AKNA: variants seen among roughly 807,000 people sequenced by gnomAD.
AKNA encodes AT-hook transcription factor.
AKNA carries 67 observed loss-of-function variants against 138.8 expected under a neutral mutation model. The observed-to-expected ratio is 0.48, with a 90% CI of 0.40 to 0.59. AKNA has a LOEUF of 0.59. AKNA is among the 20% of genes least tolerant of loss of function. The probability of loss-of-function intolerance (pLI) is 0.00; values close to 1 mark genes in which losing one functional copy is unlikely to be tolerated. For missense variants in AKNA, 1,813 were observed against 1,880.4 expected, an observed-to-expected ratio of 0.96 and a Z score of 0.66; for synonymous variants, 737 against 754.4, an observed-to-expected ratio of 0.98 and a Z score of 0.38.
intron 21 of AKNA, 114 bp downstream of exon 21, chr9:114,341,419 G>C: frequency 2.3e-6 from 3 of 1,312,006 alleles, no homozygotes; most frequent in Non-Finnish European, 3.2e-6. Flanking sequence ...ATCCACGCAG[G>C]GATAAAACAC....
chr9:114,387,024 T>C lies in AKNA; in HGVS notation c.-114+836A>G, dbSNP rs1362054132. Among the ~76,000 whole-genome samples, 12 of 151,998 alleles carry C rather than the reference T, an allele frequency of 7.9e-5. No homozygotes were observed. In the South Asian group the frequency reaches 2.5e-3, roughly 32 times the overall value. ...TGAGGCACAGAGACATGGCCTGCTC[T>C]CACAAGACCTCACAGCCAGGAAGCG... On this transcript the variant is annotated intron_variant, in intron 1 of 21. Transcript: ENST00000374088.
downstream of AKNA, chr9:114,331,545 A>C: frequency 6.3e-7 from 1 of 1,591,952 alleles, no homozygotes; most frequent in Non-Finnish European, 8.6e-7. Context: ...GTTCTCACCC[A>C]GAGGCTCTTT....
chr9:114,367,960 GT>G (rs1832490152), intron 5 of AKNA, among the ~76,000 whole-genome samples: 1 of 152,252 alleles, frequency 6.6e-6, no homozygotes, highest in Admixed American at 6.5e-5. Context: ...AGTCAACAGC[GT>G]GGGCTCTCAC....
chr9:114,355,391 C>T (rs992749257), intron 14 of AKNA, among the ~76,000 whole-genome samples: 1 of 151,842 alleles, frequency 6.6e-6, no homozygotes, highest in African/African-American at 2.4e-5. Flanking sequence ...TGGCCAGGCT[C>T]GTCTCGAACT....
upstream of AKNA, among the ~76,000 whole-genome samples, chr9:114,392,580 T>A (rs533064027): frequency 6.6e-6 from 1 of 152,250 alleles, no homozygotes; most frequent in Non-Finnish European, 1.5e-5. Flanking sequence ...TGCCAAAAGT[T>A]CTTGGCCCCA....
intron 2 of AKNA, among the ~76,000 whole-genome samples, chr9:114,377,846 C>T (rs1833358543): frequency 6.6e-6 from 1 of 152,216 alleles, no homozygotes. Flanking sequence ...CCATCTCTCT[C>T]CCTCTAACCC....
At chr9:114,385,679 T>A (rs1833977605) in intron 1 of AKNA, among the ~76,000 whole-genome samples, 1 of 152,190 alleles carries the variant, frequency 6.6e-6, no homozygotes. Flanking sequence ...AGTGACTGAC[T>A]AGAGTTTCGC....
intron 2 of AKNA, among the ~76,000 whole-genome samples, chr9:114,380,238 C>G (rs1165274001): frequency 1.3e-5 from 2 of 152,010 alleles, no homozygotes; most frequent in African/African-American, 2.4e-5. Flanking sequence ...ATCAAGTGTG[C>G]AAAGATATAT....
chr9:114,331,983 G>A, downstream of AKNA: 12 of 1,470,828 alleles, frequency 8.2e-6, no homozygotes, highest in South Asian at 1.4e-4. Context: ...AACTTGGGCA[G>A]CCCCAGAGGC....
At position 114,336,843 on chromosome 9, in the gene AKNA, C is replaced by G. The variant is rs1456709667; in HGVS notation, c.*211G>C. On this transcript the variant is annotated 3_prime_UTR_variant, in exon 22 of 22. Transcript: ENST00000374088. ...CAGCACCTCTGTGAGGGGACTGGTG[C>G]TCCTGGGAAGTCACTTCTCTTGGTG... 1.9e-6 allele frequency: 1 copy of G among 525,124 alleles called. No homozygotes were observed. Among genetic ancestry groups the G allele is most frequent in the African/African-American group, 1.9e-5 (1 of 51,606 alleles). 32.5% of individuals were successfully genotyped at this position (525,124 alleles called of 1,614,324 possible). A position where few individuals can be genotyped will look rare whatever the true frequency, so the allele number is the denominator to read the frequency against.
chr9:114,359,940 G>A lies in AKNA; in HGVS notation c.2247C>T (p.His749=). Residue 749 remains histidine, a synonymous_variant, in exon 10 of 22, where the codon CAC becomes CAT. Transcript: ENST00000374088. ...AAACTTGCTCCATCTGCAGCTCCTT[G>A]TGCCTGAGTCGGGCCAGGGGGTCCT... is the stretch of plus-strand genomic sequence containing the variant. ...RPQDPLARLR[H]KELQMEQVYH... The A allele has an allele frequency of 3.1e-6, 5 of 1,614,232 alleles. No homozygotes were observed. Among genetic ancestry groups the A allele is most frequent in the Non-Finnish European group, 3.4e-6 (4 of 1,180,038 alleles).
Position 114,385,716 on chromosome 9 carries a change from G to A in AKNA, c.-114+2144C>T, listed in dbSNP as rs375746802. 1.1e-3 allele frequency among the ~76,000 whole-genome samples: 164 copies of A among 152,324 alleles called. 5 individuals carry two copies. The South Asian group carries it at 0.032, about 30-fold the overall frequency. ...CTTGCCCCCAGGCGCCTAAACCAGTGAGCCTTTCCTGAGCCAGGCCTCTGC... is the reference window on the plus strand; with the variant it reads ...CTTGCCCCCAGGCGCCTAAACCAGTAAGCCTTTCCTGAGCCAGGCCTCTGC... On this transcript the variant is annotated intron_variant, in intron 1 of 21. Transcript: ENST00000374088.
rs1833630977 is a variant in AKNA at position 114,381,096 on chromosome 9, G to C, written c.238C>G (p.His80Asp). The change falls in exon 2 of 22, where the codon CAT (histidine) becomes GAT (aspartate). Residue 80 changes from histidine (H) to aspartate (D), a missense_variant. Transcript: ENST00000374088. ...EWDPHPQPDGHQDSESGETSG... is the reference protein window; with the variant it reads ...EWDPHPQPDGDQDSESGETSG... ...GTCTCTCCTGACTCGGAATCCTGAT[G>C]CCCATCGGGCTGCGGGTGTGGGTCC... is the stretch of plus-strand genomic sequence containing the variant. The C allele has an allele frequency of 6.3e-7, 1 of 1,594,590 alleles. No homozygotes were observed. The highest frequency in any genetic ancestry group is 1.4e-5 in the African/African-American group (1 of 69,464).
At chr9:114,392,276 G>A (rs186012880), upstream of AKNA, among the ~76,000 whole-genome samples, 13 of 152,322 alleles carry the variant, frequency 8.5e-5, no homozygotes, top group South Asian at 2.3e-3. Flanking sequence ...TTTGGAACCT[G>A]CGGCTTAATG....
In AKNA at chr9:114,356,906, A is replaced by C. The variant is rs1270844228; in HGVS notation, c.2803T>G (p.Ser935Ala). 1 of 1,568,986 alleles carries C rather than the reference A, an allele frequency of 6.4e-7. No individual in the cohort carries two copies. The highest frequency in any genetic ancestry group is 8.6e-7 in the Non-Finnish European group (1 of 1,162,496). The change falls in exon 13 of 22, where the codon TCA becomes GCA. Residue 935 changes from serine (S) to alanine (A), a missense_variant. Transcript: ENST00000374088. ...GFVGSETSRV[S>A]PLTQTPEHRL... Reference sequence around the variant, plus strand: ...TGCTCTGGAGTCTGGGTGAGGGGTGAAACTCTGCTTGTTTCTGAGCCCACA... The same window carrying C: ...TGCTCTGGAGTCTGGGTGAGGGGTGCAACTCTGCTTGTTTCTGAGCCCACA...
At position 114,381,358 on chromosome 9, in the gene AKNA, G is replaced by C. The variant is rs748230518; in HGVS notation, c.-25C>G. On this transcript the variant is annotated 5_prime_UTR_variant, in exon 2 of 22. Transcript: ENST00000374088. The stretch of plus-strand genomic sequence containing the variant: ...TTGGGGCTGGCCTGGGCTTCACCTG[G>C]GCCACTTCATCTTCAGGAGACAGAG... 12 of 1,526,224 alleles carry C rather than the reference G, an allele frequency of 7.9e-6. No individual in the cohort carries two copies. In the South Asian group the frequency reaches 1.2e-4, roughly 16 times the overall value. The allele number at this position is 1,526,224 out of a possible 1,614,324, so 94.5% of individuals were successfully genotyped here. A position where few individuals can be genotyped will look rare whatever the true frequency, so the allele number is the denominator to read the frequency against.
chr9:114,373,117 G>C (rs1056021852), intron 4 of AKNA, among the ~76,000 whole-genome samples: 2 of 152,188 alleles, frequency 1.3e-5, no homozygotes, highest in Non-Finnish European at 1.5e-5. Flanking sequence ...GGAGGCACTG[G>C]GGCATCTGCA....
At chr9:114,348,016 A>G (rs1423231649) in intron 15 of AKNA, 116 bp from the exon 16 acceptor site, 3 of 1,142,240 alleles carry the variant, frequency 2.6e-6, no homozygotes, top group African/African-American at 1.6e-5. Flanking sequence ...CACAGGGTCT[A>G]TCTCTGCTGT....
rs539224477 is a variant in AKNA at position 114,338,807 on chromosome 9, C to T, written c.4068-1501G>A. Among the ~76,000 whole-genome samples, 70 of 152,312 alleles carry T rather than the reference C, an allele frequency of 4.6e-4. 1 individual carries two copies. In the South Asian group the frequency reaches 5.8e-3, roughly 13 times the overall value. On this transcript the variant is annotated intron_variant, in intron 21 of 21. Coordinates refer to ENST00000374088, the MANE Select transcript of AKNA (RefSeq NM_001317950.2). Reference sequence around the variant, plus strand: ...GTAAAAAGCTGGCACTGCCTGGCTCCGGTAAGTGCTCCATAAACGTGAGCT... The same window carrying T: ...GTAAAAAGCTGGCACTGCCTGGCTCTGGTAAGTGCTCCATAAACGTGAGCT...
Sources: allele counts gnomAD v4.1 joint callset (sites outside exome capture counted in the v4.1 genomes callset), GRCh38; gene constraint gnomAD v4.1.1; transcripts MANE v1.5; gene names NCBI Gene and HGNC (gene_info 2026-07-23, HGNC 2026-07-21).